PCDH15: variants seen among roughly 807,000 people sequenced by gnomAD.
PCDH15 encodes the protein protocadherin related 15, also known as protocadherin-15.
PCDH15 carries 129 observed loss-of-function variants against 178.5 expected under a neutral mutation model. The ratio of observed to expected loss-of-function variants is 0.72; its 90% confidence interval spans 0.63 to 0.84. The LOEUF (loss-of-function observed/expected upper bound fraction) is 0.84, where lower values mean the gene tolerates loss of function less well. Among genes scored for constraint, PCDH15 ranks in the 40% least tolerant of loss-of-function variants. PCDH15 has a pLI of 0.00. For missense variants in PCDH15, 2,230 were observed against 2,099.9 expected, an observed-to-expected ratio of 1.06 and a Z score of -1.21; for synonymous variants, 800 against 732.0, an observed-to-expected ratio of 1.09 and a Z score of -1.50.
chr10:53,936,370 A>C (rs2085574343), intron 25 of PCDH15, among the ~76,000 whole-genome samples: 1 of 152,144 alleles, frequency 6.6e-6, no homozygotes, highest in Non-Finnish European at 1.5e-5. Flanking sequence ...ATGATATTTT[A>C]ATTGTTTTAA....
chr10:54,796,765 G>A (rs1952061610), intron 1 of PCDH15, among the ~76,000 whole-genome samples: 1 of 151,698 alleles, frequency 6.6e-6, no homozygotes, highest in African/African-American at 2.4e-5. Flanking sequence ...ATATCTTTCT[G>A]TGACTTATCT....
chr10:54,188,425 T>TA (rs2048670411), intron 11 of PCDH15, among the ~76,000 whole-genome samples: 1 of 151,898 alleles, frequency 6.6e-6, no homozygotes, highest in Non-Finnish European at 1.5e-5. Flanking sequence ...TAAGTTTATT[T>TA]AAAATGAATT....
At chr10:54,960,638 T>C (rs1334560466) in intron 2 of PCDH15, among the ~76,000 whole-genome samples, 1 of 152,218 alleles carries the variant, frequency 6.6e-6, no homozygotes, top group Non-Finnish European at 1.5e-5. Flanking sequence ...AATTTTAAAA[T>C]GTCTTTTCTC....
At chr10:54,120,118 T>C (rs2095189748) in intron 15 of PCDH15, among the ~76,000 whole-genome samples, 2 of 152,200 alleles carry the variant, frequency 1.3e-5, no homozygotes, top group African/African-American at 4.8e-5. Context: ...ATTTTCAGCA[T>C]GCTTAAAGAA....
intron 2 of PCDH15, among the ~76,000 whole-genome samples, chr10:55,436,851 T>C (rs1051520259): frequency 2.0e-5 from 3 of 152,152 alleles, no homozygotes; most frequent in Admixed American, 2.0e-4. Flanking sequence ...CTTGAAAAAT[T>C]CCGTTGTATC....
intron 32 of PCDH15, among the ~76,000 whole-genome samples, chr10:53,824,149 A>C (rs2076513316): frequency 2.0e-5 from 3 of 152,130 alleles, no homozygotes. Context: ...GATGCTAAAA[A>C]AAAAAATCAC....
chr10:54,256,123 T>C (rs1382512784), intron 8 of PCDH15, among the ~76,000 whole-genome samples: 3 of 152,156 alleles, frequency 2.0e-5, no homozygotes, highest in Non-Finnish European at 4.4e-5. Context: ...GTAAGAGCAC[T>C]GCCACAATAA....
chr10:54,986,476 CA>C (rs1326986289), intron 2 of PCDH15, among the ~76,000 whole-genome samples: 1 of 152,056 alleles, frequency 6.6e-6, no homozygotes, highest in Non-Finnish European at 1.5e-5. Context: ...TCTGAAAATT[CA>C]AAATAAATCT....
At chr10:54,003,962 C>T (rs1357328993) in intron 20 of PCDH15, among the ~76,000 whole-genome samples, 1 of 151,958 alleles carries the variant, frequency 6.6e-6, no homozygotes, top group East Asian at 1.9e-4. Context: ...AGATTTATCT[C>T]AGGGATACTA....
intron 8 of PCDH15, among the ~76,000 whole-genome samples, chr10:54,255,591 C>T (rs551883762): frequency 2.0e-5 from 3 of 152,194 alleles, no homozygotes; most frequent in African/African-American, 7.2e-5. Context: ...CATCCACAGA[C>T]CCAAAAGTTA....
chr10:55,428,709 T>C (rs1838815150), intron 2 of PCDH15, among the ~76,000 whole-genome samples: 1 of 151,954 alleles, frequency 6.6e-6, no homozygotes, highest in African/African-American at 2.4e-5. Context: ...CTAGGTCATT[T>C]AAATTTAGCA....
Position 54,277,366 on chromosome 10 carries a change from C to A in PCDH15, c.876+39905G>T, listed in dbSNP as rs934684905. On this transcript the variant is annotated intron_variant, in intron 8 of 37. Transcript: ENST00000644397. ...TAAAGCTGAAAGCATGGTAATACATCTTCCGCAGTGACAGGATATTTGATA... is the reference window on the plus strand; with the variant it reads ...TAAAGCTGAAAGCATGGTAATACATATTCCGCAGTGACAGGATATTTGATA... Among the ~76,000 whole-genome samples, 5 of 151,610 alleles carry A rather than the reference C, an allele frequency of 3.3e-5. No homozygotes were observed. In the South Asian group the frequency reaches 1.0e-3, roughly 31 times the overall value.
intron 2 of PCDH15, among the ~76,000 whole-genome samples, chr10:55,058,787 T>G (rs1841365063): frequency 6.6e-6 from 1 of 152,186 alleles, no homozygotes; most frequent in Non-Finnish European, 1.5e-5. Flanking sequence ...AGTATTCATT[T>G]TAGAAAGCAT....
intron 8 of PCDH15, among the ~76,000 whole-genome samples, chr10:54,258,213 G>A (rs901541004): frequency 6.6e-6 from 1 of 152,142 alleles, no homozygotes; most frequent in African/African-American, 2.4e-5. Flanking sequence ...AGGTCAAAGA[G>A]TGAATTAGAT....
chr10:55,472,082 G>A (rs1350209167), intron 2 of PCDH15, among the ~76,000 whole-genome samples: 1 of 152,036 alleles, frequency 6.6e-6, no homozygotes, highest in Non-Finnish European at 1.5e-5. Flanking sequence ...TTTTCATAGT[G>A]GTAACTTGCT....
chr10:54,340,473 T>A (rs1020892058), intron 6 of PCDH15, among the ~76,000 whole-genome samples: 1 of 152,190 alleles, frequency 6.6e-6, no homozygotes, highest in East Asian at 1.9e-4. Context: ...ACAGCTCAAG[T>A]GCTTTTGTTA....
intron 2 of PCDH15, among the ~76,000 whole-genome samples, chr10:55,054,146 A>G (rs1591862503): frequency 6.6e-6 from 1 of 152,070 alleles, no homozygotes; most frequent in East Asian, 1.9e-4. Flanking sequence ...GTTTATTTAA[A>G]TCCTACTCAT....
chr10:55,271,838 T>C (rs1842452335), intron 1 of PCDH15, among the ~76,000 whole-genome samples: 1 of 152,076 alleles, frequency 6.6e-6, no homozygotes, highest in African/African-American at 2.4e-5. Flanking sequence ...TATCAAACAT[T>C]TTCCCACAAG....
chr10:54,769,323 T>A (rs1389377095), intron 1 of PCDH15, among the ~76,000 whole-genome samples: 1 of 85,558 alleles, frequency 1.2e-5, no homozygotes, highest in African/African-American at 5.3e-5. Context: ...CGCAATGCCT[T>A]TTTTTTTTTT....
Sources: allele counts gnomAD v4.1 joint callset (sites outside exome capture counted in the v4.1 genomes callset), GRCh38; gene constraint gnomAD v4.1.1; transcripts MANE v1.5; gene names NCBI Gene and HGNC (gene_info 2026-07-23, HGNC 2026-07-21).